ERC2: variants seen among roughly 807,000 people sequenced by gnomAD.
ERC2 encodes ELKS/RAB6-interacting/CAST family member 2.
ERC2 carries 42 observed loss-of-function variants against 114.8 expected under a neutral mutation model. The observed-to-expected ratio is 0.37, with a 90% confidence interval of 0.29 to 0.47. ERC2 has a LOEUF of 0.47. Ranked by LOEUF, ERC2 falls within the 20% of genes least tolerant of loss-of-function variation. The pLI, the probability that ERC2 is intolerant of heterozygous loss-of-function variation, is 0.99. For synonymous variants in ERC2, 454 were observed against 425.5 expected, an observed-to-expected ratio of 1.07 and a Z score of -0.82; for missense variants, 939 against 1,150.7, an observed-to-expected ratio of 0.82 and a Z score of 2.66.
At chr3:55,544,631 G>T (rs2054619321) in intron 17 of ERC2, among the ~76,000 whole-genome samples, 2 of 152,170 alleles carry the variant, frequency 1.3e-5, no homozygotes, top group South Asian at 2.1e-4. Flanking sequence ...CTGGATCCTC[G>T]CTGGATACTC....
intron 12 of ERC2, among the ~76,000 whole-genome samples, chr3:55,961,612 A>G (rs2068370443): frequency 6.6e-6 from 1 of 152,118 alleles, no homozygotes; most frequent in Non-Finnish European, 1.5e-5. Flanking sequence ...TCTGCTGGTG[A>G]CAATTTAATT....
chr3:56,306,112 G>A (rs1193110051), intron 2 of ERC2, among the ~76,000 whole-genome samples: 1 of 151,812 alleles, frequency 6.6e-6, no homozygotes, highest in Non-Finnish European at 1.5e-5. Context: ...GCCTCCAAAA[G>A]TGATGGGATT....
At chr3:56,194,244 C>T (rs1224249296) in intron 3 of ERC2, among the ~76,000 whole-genome samples, 2 of 152,042 alleles carry the variant, frequency 1.3e-5, no homozygotes, top group Non-Finnish European at 2.9e-5. Flanking sequence ...CCGCCACCAC[C>T]CCACAAAAGA....
At chr3:56,174,100 A>G (rs1258594749) in intron 3 of ERC2, among the ~76,000 whole-genome samples, 7 of 152,230 alleles carry the variant, frequency 4.6e-5, no homozygotes, top group African/African-American at 1.7e-4. Flanking sequence ...TTTATGTATC[A>G]TGATGCCAAG....
At chr3:56,251,286 T>C (rs1214772611) in intron 3 of ERC2, among the ~76,000 whole-genome samples, 1 of 152,198 alleles carries the variant, frequency 6.6e-6, no homozygotes, top group Admixed American at 6.5e-5. Flanking sequence ...AGTAAGACAT[T>C]ATCAGTATTG....
At chr3:56,235,885 A>T (rs1169962874) in intron 3 of ERC2, among the ~76,000 whole-genome samples, 1 of 152,180 alleles carries the variant, frequency 6.6e-6, no homozygotes, top group African/African-American at 2.4e-5. Flanking sequence ...GCTGTCAACA[A>T]TCCCTTTCAT....
At chr3:55,845,890 A>G (rs1323857134) in intron 14 of ERC2, among the ~76,000 whole-genome samples, 1 of 152,254 alleles carries the variant, frequency 6.6e-6, no homozygotes, top group Non-Finnish European at 1.5e-5. Flanking sequence ...AAACACAAAT[A>G]TATTAGCAAA....
At chr3:55,906,615 T>C (rs2064468355) in intron 13 of ERC2, among the ~76,000 whole-genome samples, 1 of 152,198 alleles carries the variant, frequency 6.6e-6, no homozygotes, top group Non-Finnish European at 1.5e-5. Flanking sequence ...TGATTGATTC[T>C]GATTCTGATG....
At chr3:55,664,134 G>A (rs981552074) in intron 17 of ERC2, among the ~76,000 whole-genome samples, 3 of 152,160 alleles carry the variant, frequency 2.0e-5, no homozygotes, top group Admixed American at 2.0e-4. Context: ...AATTTTACTG[G>A]ATGTCAAGCC....
At chr3:55,950,640 A>T (rs2067434910) in intron 12 of ERC2, 80 bp from the exon 13 acceptor site, 1 of 1,476,762 alleles carries the variant, frequency 6.8e-7, no homozygotes, top group African/African-American at 1.4e-5. Flanking sequence ...AGGAAGTACT[A>T]AGTATAGGCT....
At chr3:55,844,499 A>T (rs111377771) in intron 14 of ERC2, among the ~76,000 whole-genome samples, 7,613 of 152,304 alleles carry the variant, frequency 0.05, 417 homozygotes, top group Admixed American at 0.17. Flanking sequence ...GGCAAAATTA[A>T]TCTATGGTGT....
chr3:55,782,138 G>C (rs1024104302), intron 14 of ERC2, among the ~76,000 whole-genome samples: 1 of 152,106 alleles, frequency 6.6e-6, no homozygotes, highest in African/African-American at 2.4e-5. Flanking sequence ...TCACACCTTG[G>C]CTGGAATTCT....
In ERC2 at chr3:56,169,405, A is replaced by T. The variant is rs1226939697; in HGVS notation, c.1149+4041T>A. Among the ~76,000 whole-genome samples, 3 of 152,206 alleles carry T rather than the reference A, an allele frequency of 2.0e-5. No homozygotes were observed. The East Asian group carries it at 5.8e-4, about 29-fold the overall frequency. On this transcript the variant is annotated intron_variant, in intron 4 of 17. Coordinates refer to ENST00000288221, the MANE Select transcript of ERC2 (RefSeq NM_015576.3). Reference sequence around the variant, plus strand: ...GCTGCTAAGTTTGGAGTGAAGCTTTATGTGTCATCTCAGTAATTATTATTA... The same window carrying T: ...GCTGCTAAGTTTGGAGTGAAGCTTTTTGTGTCATCTCAGTAATTATTATTA...
intron 2 of ERC2, among the ~76,000 whole-genome samples, chr3:56,321,507 GTTC>G (rs1245913199): frequency 6.6e-6 from 1 of 152,204 alleles, no homozygotes; most frequent in Non-Finnish European, 1.5e-5. Flanking sequence ...ACCAGAAGTA[GTTC>G]AGGAGCTCCT....
At chr3:56,006,353 T>C (rs770308746) in intron 10 of ERC2, among the ~76,000 whole-genome samples, 4 of 152,062 alleles carry the variant, frequency 2.6e-5, no homozygotes, top group African/African-American at 7.2e-5. Context: ...CCCATCCCGG[T>C]GTGTGCTATG....
intron 7 of ERC2, among the ~76,000 whole-genome samples, chr3:56,046,249 T>C (rs1382926679): frequency 6.6e-6 from 1 of 152,180 alleles, no homozygotes; most frequent in Non-Finnish European, 1.5e-5. Context: ...TCCCTAAGTT[T>C]CCGGTACTGA....
At chr3:56,182,371 G>C (rs544607086) in intron 3 of ERC2, among the ~76,000 whole-genome samples, 1 of 152,296 alleles carries the variant, frequency 6.6e-6, no homozygotes, top group South Asian at 2.1e-4. Flanking sequence ...AACACTGATG[G>C]CTTGATTAAA....
At chr3:56,107,528 T>C (rs9881126) in intron 6 of ERC2, among the ~76,000 whole-genome samples, 1 of 151,962 alleles carries the variant, frequency 6.6e-6, no homozygotes, top group Non-Finnish European at 1.5e-5. Flanking sequence ...GAAAAAATGA[T>C]GGGCTCTCAA....
At chr3:56,268,921 T>C (rs1162162600) in intron 3 of ERC2, among the ~76,000 whole-genome samples, 1 of 152,222 alleles carries the variant, frequency 6.6e-6, no homozygotes, top group African/African-American at 2.4e-5. Context: ...TGACTGTATA[T>C]GTATATCAAA....
Sources: gnomAD v4.1 joint callset for allele counts (sites outside exome capture counted in the v4.1 genomes callset) on GRCh38, gnomAD v4.1.1 for gene constraint, MANE v1.5 for transcripts, NCBI Gene and HGNC (gene_info 2026-07-23, HGNC 2026-07-21) for gene names.